LANCL3: variants seen among roughly 807,000 people sequenced by gnomAD.
LANCL3 encodes LanC like family member 3.
LANCL3 carries 19 observed loss-of-function variants against 26.5 expected under a neutral mutation model. That is an observed-to-expected ratio of 0.72 (90% confidence interval 0.50 to 1.05). The LOEUF (loss-of-function observed/expected upper bound fraction) is 1.05, where lower values mean the gene tolerates loss of function less well. LANCL3 is among the 50% of genes least tolerant of loss of function. The pLI is 0.00. For missense variants in LANCL3, 318 were observed against 362.7 expected (o/e 0.88, Z 1.00); for synonymous variants, 160 against 166.6 (o/e 0.96, Z 0.30).
intron 1 of LANCL3, among the ~76,000 whole-genome samples, chrX:37,586,210 T>C (rs5963749): frequency 0.26 from 29,073 of 111,053 alleles, 6,434 homozygotes; most frequent in African/African-American, 0.74. Flanking sequence ...CCCGACCTTT[T>C]TCTCTGGCTA....
At chrX:37,650,218 G>A (rs1174553010) in intron 1 of LANCL3, among the ~76,000 whole-genome samples, 2 of 104,493 alleles carry the variant, frequency 1.9e-5, no homozygotes, top group Admixed American at 1.1e-4. Context: ...CAGAAGAATT[G>A]CTTTAATCCA....
At chrX:37,611,266 G>A (rs897392045) in intron 1 of LANCL3, among the ~76,000 whole-genome samples, 9 of 111,603 alleles carry the variant, frequency 8.1e-5, no homozygotes, top group Non-Finnish European at 1.7e-4. Flanking sequence ...ATGCTTCTGG[G>A]CAGACCAAAA....
chrX:37,652,030 T>C (rs1463564057), intron 1 of LANCL3, among the ~76,000 whole-genome samples: 1 of 110,784 alleles, frequency 9.0e-6, no homozygotes, highest in African/African-American at 3.3e-5. Flanking sequence ...CAGCTTCATT[T>C]TTTTTTTTTT....
intron 1 of LANCL3, among the ~76,000 whole-genome samples, chrX:37,575,038 A>G (rs192566035): frequency 3.7e-5 from 4 of 108,637 alleles, no homozygotes; most frequent in African/African-American, 1.4e-4. Context: ...CGATCCTCCT[A>G]CCTCAGCCTC....
intron 1 of LANCL3, among the ~76,000 whole-genome samples, chrX:37,618,434 G>A (rs1925067292): frequency 8.9e-6 from 1 of 111,912 alleles, no homozygotes; most frequent in African/African-American, 3.2e-5. Context: ...GTTTCCTAGT[G>A]TGGTCATAAC....
At chrX:37,663,706 A>G (rs1189323585) in intron 3 of LANCL3, among the ~76,000 whole-genome samples, 1 of 111,324 alleles carries the variant, frequency 9.0e-6, no homozygotes, top group Non-Finnish European at 1.9e-5. Context: ...GGCTAAAGCA[A>G]TCATCTAAGA....
chrX:37,634,479 G>A (rs1388692480), intron 1 of LANCL3, among the ~76,000 whole-genome samples: 4 of 112,727 alleles, frequency 3.5e-5, no homozygotes, highest in African/African-American at 1.3e-4. Context: ...GCACTCCCTA[G>A]TGAGATGAAC....
intron 1 of LANCL3, among the ~76,000 whole-genome samples, chrX:37,623,937 A>T (rs782016973): frequency 3.6e-5 from 4 of 112,236 alleles, no homozygotes; most frequent in African/African-American, 1.3e-4. Flanking sequence ...ATATCAATAC[A>T]TATAGATCTG....
intron 1 of LANCL3, among the ~76,000 whole-genome samples, chrX:37,632,390 G>A (rs1925548580): frequency 9.0e-6 from 1 of 111,429 alleles, no homozygotes; most frequent in Non-Finnish European, 1.9e-5. Flanking sequence ...ACTGTGATGG[G>A]TCTTGACTCT....
At chrX:37,594,143 C>T (rs1377591936) in intron 1 of LANCL3, among the ~76,000 whole-genome samples, 16 of 111,597 alleles carry the variant, frequency 1.4e-4, no homozygotes, top group African/African-American at 5.2e-4. Context: ...GATTAGAATA[C>T]AATAACTGGT....
chrX:37,584,651 G>T (rs1288776998), intron 1 of LANCL3, among the ~76,000 whole-genome samples: 1 of 111,484 alleles, frequency 9.0e-6, no homozygotes, highest in Non-Finnish European at 1.9e-5. Context: ...ATTTCTGTGG[G>T]ATCGGTGGTG....
chrX:37,671,959 A>G (rs367794373), intron 4 of LANCL3, among the ~76,000 whole-genome samples: 1 of 111,462 alleles, frequency 9.0e-6, no homozygotes, highest in Non-Finnish European at 1.9e-5. Context: ...ATATAGAAAA[A>G]GAAAGTAATT....
At chrX:37,617,700 A>C (rs1356165100) in intron 1 of LANCL3, among the ~76,000 whole-genome samples, 1 of 111,634 alleles carries the variant, frequency 9.0e-6, no homozygotes, top group Non-Finnish European at 1.9e-5. Context: ...AGTGCGTTTC[A>C]GTGGGAAAGC....
At chrX:37,593,096 A>G (rs1446156568) in intron 1 of LANCL3, among the ~76,000 whole-genome samples, 3 of 111,763 alleles carry the variant, frequency 2.7e-5, no homozygotes, top group African/African-American at 9.8e-5. Flanking sequence ...TAGCTATGCA[A>G]GGTCTCCAAA....
chrX:37,636,523 C>G (rs1925709508), intron 1 of LANCL3, among the ~76,000 whole-genome samples: 1 of 112,613 alleles, frequency 8.9e-6, no homozygotes, highest in Non-Finnish European at 1.9e-5. Flanking sequence ...TCTTTCATGA[C>G]AATCTTATAT....
chrX:37,606,588 T>C (rs1184853896), intron 1 of LANCL3, among the ~76,000 whole-genome samples: 1 of 111,904 alleles, frequency 8.9e-6, no homozygotes, highest in Non-Finnish European at 1.9e-5. Context: ...GCAGTAAGTA[T>C]TTGTTGAATG....
chrX:37,598,384 C>A (rs1007916344), intron 1 of LANCL3, among the ~76,000 whole-genome samples: 7 of 111,700 alleles, frequency 6.3e-5, no homozygotes, highest in African/African-American at 2.3e-4. Context: ...TGGGCCAGGT[C>A]CTAGGCATCA....
intron 1 of LANCL3, among the ~76,000 whole-genome samples, chrX:37,601,586 A>G (rs1054448168): frequency 8.9e-6 from 1 of 112,205 alleles, no homozygotes; most frequent in Non-Finnish European, 1.9e-5. Flanking sequence ...TCTAATACAT[A>G]AAAAAGTCTG....
At chrX:37,591,782 G>T (rs1391413619) in intron 1 of LANCL3, among the ~76,000 whole-genome samples, 2 of 94,234 alleles carry the variant, frequency 2.1e-5, no homozygotes, top group Non-Finnish European at 3.8e-5. Flanking sequence ...GCATGCTGCT[G>T]AAGTTGTACT....
Sources: gnomAD v4.1 joint callset for allele counts (sites outside exome capture counted in the v4.1 genomes callset) on GRCh38, gnomAD v4.1.1 for gene constraint, MANE v1.5 for transcripts, NCBI Gene and HGNC (gene_info 2026-07-23, HGNC 2026-07-21) for gene names.